The following ST3GAL6 variants were observed in gnomAD, a reference collection of about 807,000 sequenced individuals.
The protein encoded by ST3GAL6 is type 2 lactosamine alpha-2,3-sialyltransferase.
A neutral mutation model predicts 40.5 loss-of-function variants in ST3GAL6; 31 were observed. The observed-to-expected ratio is 0.77, with a 90% CI of 0.58 to 1.03. ST3GAL6 has a LOEUF of 1.03. ST3GAL6 is among the 50% of genes least tolerant of loss of function. The probability of loss-of-function intolerance (pLI) is 0.00; values close to 1 mark genes in which losing one functional copy is unlikely to be tolerated. For synonymous variants in ST3GAL6, 129 were observed against 136.9 expected, an observed-to-expected ratio of 0.94 and a Z score of 0.40; for missense variants, 357 against 393.2, an observed-to-expected ratio of 0.91 and a Z score of 0.78.
chr3:98,787,155 TAATTTACCTACAAA>T (rs1476844185), intron 6 of ST3GAL6, among the ~76,000 whole-genome samples: 6 of 152,154 alleles, frequency 3.9e-5, no homozygotes, highest in Non-Finnish European at 8.8e-5. Context: ...GAAGCTGTGA[TAATTTACCTACAAA>T]ACAATTTTGA....
Position 98,784,993 on chromosome 3 carries a change from G to C in ST3GAL6, c.384G>C (p.Lys128Asn). ...TGGTTGGTAATGGAGGAGTTTTGAA[G>C]AATAAGACATTAGGAGAAAAAATCG... is the stretch of plus-strand genomic sequence containing the variant. ...CVVVGNGGVL[K>N]NKTLGEKIDS... The change falls in exon 6 of 10, where the codon AAG becomes AAC. Residue 128 changes from lysine to asparagine, a missense_variant. Coordinates refer to ENST00000483910, the MANE Select transcript of ST3GAL6 (RefSeq NM_001323368.2). 6.5e-7 allele frequency: 1 copy of C among 1,542,358 alleles called. No individual in the cohort carries two copies.
upstream of ST3GAL6, among the ~76,000 whole-genome samples, chr3:98,760,866 A>G (rs1444864369): frequency 6.6e-6 from 1 of 152,256 alleles, no homozygotes; most frequent in Non-Finnish European, 1.5e-5. Context: ...ATGACCATAC[A>G]ATGGGATGCT....
chr3:98,762,063 T>A (rs1018186008), upstream of ST3GAL6, among the ~76,000 whole-genome samples: 2 of 138,124 alleles, frequency 1.4e-5, no homozygotes, highest in African/African-American at 5.4e-5. Flanking sequence ...TGAAAAGATC[T>A]GTCTACATGT....
chr3:98,766,130 TCTCA>T (rs1449183157), intron 1 of ST3GAL6, among the ~76,000 whole-genome samples: 4 of 152,188 alleles, frequency 2.6e-5, no homozygotes, highest in Admixed American at 2.6e-4. Flanking sequence ...CAGAGCATTC[TCTCA>T]CACTTCTTTG....
chr3:98,741,874 T>C (rs1936118856), intron 1 of ST3GAL6, among the ~76,000 whole-genome samples: 1 of 152,184 alleles, frequency 6.6e-6, no homozygotes, highest in African/African-American at 2.4e-5. Flanking sequence ...GAGTGAAGGA[T>C]AGAAATGTGA....
At chr3:98,732,828 C>G (rs1417025873) in intron 1 of ST3GAL6, 1 of 1,498,410 alleles carries the variant, frequency 6.7e-7, no homozygotes, top group Admixed American at 2.1e-5. Flanking sequence ...CGCCACCTTC[C>G]TTTGGTTTCT....
intron 5 of ST3GAL6, chr3:98,783,611 C>A (rs1940399181): frequency 1.0e-6 from 1 of 984,862 alleles, no homozygotes; most frequent in Non-Finnish European, 1.2e-6. Flanking sequence ...TTTAAATGAA[C>A]AAACAGACCC....
At chr3:98,768,857 C>A (rs1438619688) in intron 2 of ST3GAL6, among the ~76,000 whole-genome samples, 1 of 152,076 alleles carries the variant, frequency 6.6e-6, no homozygotes, top group Non-Finnish European at 1.5e-5. Flanking sequence ...ACTTTTGGAA[C>A]CTAAAATGCT....
intron 1 of ST3GAL6, among the ~76,000 whole-genome samples, chr3:98,745,234 A>G (rs1437466953): frequency 6.6e-6 from 1 of 152,122 alleles, no homozygotes; most frequent in Admixed American, 6.5e-5. Context: ...GGGTTTCACC[A>G]TGTTGGTCAG....
chr3:98,740,941 T>C (rs1399949009), intron 1 of ST3GAL6, among the ~76,000 whole-genome samples: 2 of 152,192 alleles, frequency 1.3e-5, no homozygotes, highest in East Asian at 3.9e-4. Flanking sequence ...CCTATGTTAT[T>C]ATATTTCTTT....
At chr3:98,759,470 C>CT (rs34557543), upstream of ST3GAL6, among the ~76,000 whole-genome samples, 6 of 152,094 alleles carry the variant, frequency 3.9e-5, no homozygotes, top group South Asian at 1.2e-3. Context: ...CATTTATTGA[C>CT]TTTTTTACTC....
At chr3:98,793,430 TGA>T (rs1163315935) in intron 9 of ST3GAL6, among the ~76,000 whole-genome samples, 11 of 152,216 alleles carry the variant, frequency 7.2e-5, no homozygotes, top group Non-Finnish European at 1.5e-5. Context: ...TACCAGGGTT[TGA>T]TATGAAGGAG....
At chr3:98,791,514 T>C (rs1941206303) in intron 8 of ST3GAL6, among the ~76,000 whole-genome samples, 1 of 152,196 alleles carries the variant, frequency 6.6e-6, no homozygotes, top group Non-Finnish European at 1.5e-5. Flanking sequence ...CTCATCATGT[T>C]TTTGTGTTTT....
intron 5 of ST3GAL6, 130 bp from the exon 6 acceptor site, chr3:98,784,815 C>A: frequency 1.5e-6 from 1 of 657,584 alleles, no homozygotes; most frequent in Non-Finnish European, 2.7e-6. Context: ...ACTTGTAAGT[C>A]GCAGTTGGTT....
chr3:98,791,932 T>C lies in ST3GAL6; in HGVS notation c.848T>C (p.Phe283Ser). The change falls in exon 9 of 10, where the codon TTT becomes TCT. Residue 283 changes from phenylalanine (F) to serine (S), a missense_variant. Phe to Ser is a radical substitution (Grantham distance 155). Transcript: ENST00000483910. ...EVHLAGFKYN[F>S]SDLKSPLHYY... Reference sequence around the variant, plus strand: ...CACCTAGCTGGTTTTAAATACAACTTTTCTGACCTCAAGAGTCCTTTGCAC... The same window carrying C: ...CACCTAGCTGGTTTTAAATACAACTCTTCTGACCTCAAGAGTCCTTTGCAC... 6.2e-7 allele frequency: 1 copy of C among 1,614,080 alleles called. No individual in the cohort carries two copies. The highest frequency in any genetic ancestry group is 8.5e-7 in the Non-Finnish European group (1 of 1,179,928).
chr3:98,792,804 C>A (rs1251157396), intron 9 of ST3GAL6, among the ~76,000 whole-genome samples: 1 of 151,794 alleles, frequency 6.6e-6, no homozygotes, highest in Non-Finnish European at 1.5e-5. Context: ...CAGGCATGGG[C>A]CACTGTGCCT....
intron 1 of ST3GAL6, among the ~76,000 whole-genome samples, chr3:98,736,251 T>C (rs907529724): frequency 6.6e-6 from 1 of 152,230 alleles, no homozygotes; most frequent in Non-Finnish European, 1.5e-5. Context: ...TGAAAAGTTA[T>C]CTTCTCCCCC....
intron 5 of ST3GAL6, among the ~76,000 whole-genome samples, chr3:98,775,063 A>G (rs576819915): frequency 2.6e-5 from 4 of 152,182 alleles, no homozygotes; most frequent in Admixed American, 6.5e-5. Flanking sequence ...GATTCTCTCT[A>G]ATTCTGTAAG....
At chr3:98,758,139 C>A (rs531083077) in intron 1 of ST3GAL6, among the ~76,000 whole-genome samples, 2 of 152,192 alleles carry the variant, frequency 1.3e-5, no homozygotes, top group African/African-American at 4.8e-5. Context: ...GTGCCCGGTC[C>A]TAATTTTAAC....
Sources: gnomAD v4.1 joint callset for allele counts (sites outside exome capture counted in the v4.1 genomes callset) on GRCh38, gnomAD v4.1.1 for gene constraint, MANE v1.5 for transcripts, NCBI Gene and HGNC (gene_info 2026-07-23, HGNC 2026-07-21) for gene names.